Variants in RBX1 observed in about 807,000 individuals in gnomAD.
RBX1 encodes the protein ring-box 1, also known as E3 ubiquitin-protein ligase RBX1.
For missense variants in RBX1, 46 were observed against 141.4 expected, an observed-to-expected ratio of 0.33 and a Z score of 3.42; for synonymous variants, 48 against 47.9, an observed-to-expected ratio of 1.00 and a Z score of -0.01.
chr22:40,956,723 C>G (rs892403918), intron 2 of RBX1, among the ~76,000 whole-genome samples: 2 of 151,242 alleles, frequency 1.3e-5, no homozygotes, highest in African/African-American at 4.8e-5. Flanking sequence ...TGTCCGACCT[C>G]AAGTCTTTAC....
chr22:40,956,394 CTTT>C (rs552394610), intron 2 of RBX1, among the ~76,000 whole-genome samples: 8 of 135,382 alleles, frequency 5.9e-5, no homozygotes, highest in Admixed American at 7.5e-5. Flanking sequence ...AGGTCTTTAC[CTTT>C]TTTTTTTTTT....
At chr22:40,963,247 A>G (rs1484028573) in intron 2 of RBX1, among the ~76,000 whole-genome samples, 1 of 152,210 alleles carries the variant, frequency 6.6e-6, no homozygotes, top group Non-Finnish European at 1.5e-5. Flanking sequence ...TTTAGTTACT[A>G]TGATCAGAGA....
At chr22:40,972,139 G>A (rs933659124) in intron 4 of RBX1, among the ~76,000 whole-genome samples, 4 of 152,198 alleles carry the variant, frequency 2.6e-5, no homozygotes, top group Admixed American at 6.5e-5. Context: ...TGTTGGGAGT[G>A]AGCAGGCGGA....
Position 40,960,554 on chromosome 22 carries a change from AC to A in RBX1, c.158-3492del, listed in dbSNP as rs2058337150. 3.3e-5 allele frequency among the ~76,000 whole-genome samples: 5 copies of A among 152,280 alleles called. No homozygotes were observed. The South Asian group carries it at 1.0e-3, about 32-fold the overall frequency. On this transcript the variant is annotated intron_variant, in intron 2 of 4. Transcript: ENST00000216225. Reference sequence around the variant, plus strand: ...AGAAAGACCCAGATCAAATTTAAACACGATAATGTACCTTGAAACAGTTTTG... The same window carrying A: ...AGAAAGACCCAGATCAAATTTAAACAGATAATGTACCTTGAAACAGTTTTG...
At chr22:40,961,081 C>CTTTTTTTTTTTTTTTTTTTTTTTTTTT (rs61092253) in intron 2 of RBX1, among the ~76,000 whole-genome samples, 1 of 107,666 alleles carries the variant, frequency 9.3e-6, no homozygotes, top group African/African-American at 3.7e-5. Flanking sequence ...CGTGCCTGGC[C>CTTTTTTTTTTTTTTTTTTTTTTTTTTT]TTTTTTTTTT....
At chr22:40,963,299 AT>A (rs2146301264) in intron 2 of RBX1, among the ~76,000 whole-genome samples, 1 of 152,252 alleles carries the variant, frequency 6.6e-6, no homozygotes, top group African/African-American at 2.4e-5. Flanking sequence ...GTGAATATTT[AT>A]CCCCAGTTGT....
intron 1 of RBX1, 41 bp downstream of exon 1, chr22:40,951,517 G>C: frequency 1.3e-6 from 2 of 1,592,544 alleles, no homozygotes; most frequent in Non-Finnish European, 1.7e-6. Context: ...AGCTAGAGAG[G>C]CGCGGATCTG....
At position 40,958,520 on chromosome 22, in the gene RBX1, G is replaced by A. The variant is rs1026689256; in HGVS notation, c.157+4887G>A. Among the ~76,000 whole-genome samples, 16 of 152,024 alleles carry A rather than the reference G, an allele frequency of 1.1e-4. 1 individual carries two copies. Among genetic ancestry groups the A allele is most frequent in the African/African-American group, 2.9e-4 (12 of 41,386 alleles). ...GAATGATTATGGCTGTGCCCTAGTC[G>A]GATTCTGAAGACTTCCTCTTTTAAG... On this transcript the variant is annotated intron_variant, in intron 2 of 4. Transcript: ENST00000216225.
rs182201796 is a variant in RBX1, at chr22:40,961,015, C to T, written c.158-3032C>T. ...CTGACCTCAGATGATCTGCCTGCCT[C>T]GACTTCCCAAAGTGCTGGGATTACA... is the stretch of plus-strand genomic sequence containing the variant. On this transcript the variant is annotated intron_variant, in intron 2 of 4. Transcript: ENST00000216225. Among the ~76,000 whole-genome samples the T allele has an allele frequency of 1.6e-4, 25 of 151,684 alleles. No individual in the cohort carries two copies. In the Middle Eastern group the frequency reaches 0.014, roughly 83 times the overall value.
intron 2 of RBX1, among the ~76,000 whole-genome samples, chr22:40,960,456 C>T (rs577480311): frequency 6.6e-6 from 1 of 151,814 alleles, no homozygotes; most frequent in Non-Finnish European, 1.5e-5. Context: ...ATGGCAGGGA[C>T]GAAGGAAAGG....
intron 4 of RBX1, among the ~76,000 whole-genome samples, chr22:40,969,496 T>C (rs1221311074): frequency 6.6e-6 from 1 of 152,152 alleles, no homozygotes; most frequent in African/African-American, 2.4e-5. Flanking sequence ...ACACCTGTGA[T>C]CCCAACACTT....
intron 4 of RBX1, among the ~76,000 whole-genome samples, chr22:40,971,565 A>T (rs926546557): frequency 6.6e-6 from 1 of 151,856 alleles, no homozygotes; most frequent in African/African-American, 2.4e-5. Flanking sequence ...ATTTATATAT[A>T]TATTTTTTGA....
At chr22:40,951,935 C>T (rs1401602804) in intron 1 of RBX1, among the ~76,000 whole-genome samples, 3 of 152,074 alleles carry the variant, frequency 2.0e-5, no homozygotes, top group East Asian at 1.9e-4. Context: ...GGTGATCTTG[C>T]TCCGCCCCTT....
At chr22:40,956,792 T>C (rs1451024064) in intron 2 of RBX1, among the ~76,000 whole-genome samples, 1 of 150,962 alleles carries the variant, frequency 6.6e-6, no homozygotes, top group Non-Finnish European at 1.5e-5. Flanking sequence ...TCCCAGCACT[T>C]TGGGAGGCCA....
chr22:40,957,314 C>T lies in RBX1; in HGVS notation c.157+3681C>T, dbSNP rs185649360. ...GAGCCGAGATCCTGCCATTGCACTC[C>T]ATCCTGGACAAAAAGAGCAAAACTC... On this transcript the variant is annotated intron_variant, in intron 2 of 4. Transcript: ENST00000216225. Among the ~76,000 whole-genome samples the T allele has an allele frequency of 1.6e-3, 240 of 151,688 alleles. 2 individuals are homozygous for T. The highest frequency in any genetic ancestry group is 0.014 in the Middle Eastern group (4 of 294).
intron 2 of RBX1, among the ~76,000 whole-genome samples, chr22:40,963,735 G>C (rs939712600): frequency 6.6e-6 from 1 of 152,048 alleles, no homozygotes; most frequent in African/African-American, 2.4e-5. Context: ...TGTAGTCCCA[G>C]CTACTCAGGA....
At chr22:40,958,313 A>G (rs2058331069) in intron 2 of RBX1, among the ~76,000 whole-genome samples, 2 of 152,118 alleles carry the variant, frequency 1.3e-5, no homozygotes, top group African/African-American at 4.8e-5. Context: ...AACTTAAAAA[A>G]AAAAAAAGGA....
intron 2 of RBX1, among the ~76,000 whole-genome samples, chr22:40,961,669 G>A (rs1047059865): frequency 1.3e-5 from 2 of 152,064 alleles, no homozygotes; most frequent in Non-Finnish European, 2.9e-5. Flanking sequence ...CTCCCAAAAC[G>A]CTGGGATTAT....
intron 2 of RBX1, among the ~76,000 whole-genome samples, chr22:40,959,495 C>A (rs187237110): frequency 9.2e-5 from 14 of 152,190 alleles, no homozygotes; most frequent in African/African-American, 3.4e-4. Context: ...CATTTTTGTT[C>A]TTTGTTAGGA....
Sources: allele counts gnomAD v4.1 joint callset (sites outside exome capture counted in the v4.1 genomes callset), GRCh38; gene constraint gnomAD v4.1.1; transcripts MANE v1.5; gene names NCBI Gene and HGNC (gene_info 2026-07-23, HGNC 2026-07-21).